Variants in ESRRG observed in about 807,000 individuals in gnomAD.
ESRRG encodes the protein estrogen related receptor gamma.
ESRRG carries 13 observed loss-of-function variants against 44.0 expected under a neutral mutation model. The ratio of observed to expected loss-of-function variants is 0.30; its 90% CI spans 0.19 to 0.47. The LOEUF is 0.47. Ranked by LOEUF, ESRRG falls within the 20% of genes least tolerant of loss-of-function variation. ESRRG has a pLI of 1.00. For missense variants in ESRRG, 395 were observed against 580.6 expected, an observed-to-expected ratio of 0.68 and a Z score of 3.29; for synonymous variants, 215 against 214.6, an observed-to-expected ratio of 1.00 and a Z score of -0.02.
chr1:216,535,323 C>T (rs538777151), intron 5 of ESRRG, among the ~76,000 whole-genome samples: 2 of 152,190 alleles, frequency 1.3e-5, no homozygotes, highest in Non-Finnish European at 2.9e-5. Context: ...ATGCTCCAGA[C>T]TAAACCTTCC....
At chr1:217,012,567 A>C (rs1261287489) in intron 1 of ESRRG, among the ~76,000 whole-genome samples, 1 of 152,186 alleles carries the variant, frequency 6.6e-6, no homozygotes, top group Non-Finnish European at 1.5e-5. Context: ...TAGAAAAGGC[A>C]AACTCAGAGG....
chr1:216,768,450 T>TTATCTATCTATCTGTCTATC (rs1488675539), intron 2 of ESRRG, among the ~76,000 whole-genome samples: 63 of 114,762 alleles, frequency 5.5e-4, no homozygotes, highest in Non-Finnish European at 5.3e-4. Context: ...CTATCTATCA[T>TTATCTATCTATCTGTCTATC]TATCTATCTA....
At chr1:216,966,751 T>C (rs1285596021) in intron 1 of ESRRG, among the ~76,000 whole-genome samples, 2 of 152,180 alleles carry the variant, frequency 1.3e-5, no homozygotes, top group Admixed American at 1.3e-4. Flanking sequence ...GTTTTCCCTG[T>C]GCCTCTAAAA....
chr1:216,630,229 T>C (rs1486526804), intron 3 of ESRRG, among the ~76,000 whole-genome samples: 3 of 152,198 alleles, frequency 2.0e-5, no homozygotes, highest in Non-Finnish European at 4.4e-5. Context: ...ACTTTCATTC[T>C]CATTTTGTTT....
At chr1:216,887,490 C>T (rs1169911566) in intron 2 of ESRRG, among the ~76,000 whole-genome samples, 3 of 152,106 alleles carry the variant, frequency 2.0e-5, no homozygotes, top group East Asian at 3.9e-4. Flanking sequence ...AACATGCTGT[C>T]GCTTTTATAC....
intron 3 of ESRRG, among the ~76,000 whole-genome samples, chr1:216,647,636 C>T (rs942999140): frequency 2.6e-5 from 4 of 152,170 alleles, no homozygotes; most frequent in Non-Finnish European, 5.9e-5. Flanking sequence ...ACTAAACCAT[C>T]ACTTTCTCCT....
chr1:216,987,752 T>C (rs2150470060), intron 1 of ESRRG, among the ~76,000 whole-genome samples: 1 of 152,272 alleles, frequency 6.6e-6, no homozygotes, highest in Admixed American at 6.5e-5. Flanking sequence ...TGCCATCACC[T>C]AAAACTTTTT....
intron 3 of ESRRG, among the ~76,000 whole-genome samples, chr1:216,604,528 C>G (rs2059669840): frequency 6.6e-6 from 1 of 152,104 alleles, no homozygotes; most frequent in African/African-American, 2.4e-5. Flanking sequence ...GTCCTGAATC[C>G]CAGCCCCCCA....
intron 3 of ESRRG, among the ~76,000 whole-genome samples, chr1:216,621,790 A>G (rs930714904): frequency 6.6e-6 from 1 of 152,168 alleles, no homozygotes; most frequent in African/African-American, 2.4e-5. Flanking sequence ...TCCTTCCAAC[A>G]ATATTCCCAA....
rs151019528 is a variant in ESRRG, at chr1:216,559,659, C to T, written c.862+4560G>A. Among the ~76,000 whole-genome samples the T allele has an allele frequency of 1.5e-3, 224 of 152,252 alleles. 1 individual carries two copies. The Middle Eastern group carries it at 0.034, about 23-fold the overall frequency. Reference sequence around the variant, plus strand: ...ACATAACATTAAATTATTTTTGCCACATTTTATTGTGCTTTTGCACGTATC... The same window carrying T: ...ACATAACATTAAATTATTTTTGCCATATTTTATTGTGCTTTTGCACGTATC... On this transcript the variant is annotated intron_variant, in intron 5 of 6. Coordinates refer to ENST00000408911, the MANE Select transcript of ESRRG (RefSeq NM_001438.4).
intron 5 of ESRRG, among the ~76,000 whole-genome samples, chr1:216,551,941 C>T (rs992580012): frequency 7.9e-5 from 12 of 152,114 alleles, no homozygotes; most frequent in Non-Finnish European, 1.8e-4. Flanking sequence ...GTTCCCCAAT[C>T]ACAAACCTCA....
chr1:216,592,448 A>T (rs1468274069), intron 3 of ESRRG, among the ~76,000 whole-genome samples: 2 of 151,034 alleles, frequency 1.3e-5, no homozygotes, highest in South Asian at 2.1e-4. Context: ...TATATTTTCC[A>T]TTCATTTTAA....
intron 3 of ESRRG, among the ~76,000 whole-genome samples, chr1:216,630,995 AT>A (rs1244697775): frequency 6.6e-6 from 1 of 151,970 alleles, no homozygotes; most frequent in Non-Finnish European, 1.5e-5. Context: ...ATATACATAA[AT>A]TTAGATTTGT....
rs189117547 is a variant in ESRRG at position 216,644,800 on chromosome 1, T to A, written c.589+6173A>T. Among the ~76,000 whole-genome samples the A allele has an allele frequency of 5.1e-4, 78 of 152,280 alleles. No individual in the cohort carries two copies. The Middle Eastern group carries it at 0.027, about 53-fold the overall frequency. On this transcript the variant is annotated intron_variant, in intron 3 of 6. Coordinates refer to ENST00000408911, the MANE Select transcript of ESRRG (RefSeq NM_001438.4). ...CAAAAATGGGTATCAATAAAACACA[T>A]AACTATCTGATTTGTTTTGCTTGTT...
chr1:216,835,088 T>C (rs2095543042), intron 2 of ESRRG, among the ~76,000 whole-genome samples: 1 of 152,228 alleles, frequency 6.6e-6, no homozygotes, highest in Admixed American at 6.5e-5. Flanking sequence ...TGGAGTTTTT[T>C]GTTGCTGTTT....
chr1:217,116,338 C>T (rs2092726324), intron 1 of ESRRG, among the ~76,000 whole-genome samples: 1 of 152,168 alleles, frequency 6.6e-6, no homozygotes. Context: ...CTAATTCAAA[C>T]CAAACTATTA....
chr1:216,617,871 T>C (rs1027306767), intron 3 of ESRRG, among the ~76,000 whole-genome samples: 3 of 152,206 alleles, frequency 2.0e-5, no homozygotes, highest in Non-Finnish European at 4.4e-5. Flanking sequence ...TTACAAGATT[T>C]TGTGATACCC....
intron 1 of ESRRG, among the ~76,000 whole-genome samples, chr1:216,965,620 C>A (rs974333870): frequency 2.6e-5 from 4 of 152,130 alleles, no homozygotes; most frequent in African/African-American, 9.7e-5. Context: ...CTGACTCCAT[C>A]CTCCCAGTGG....
rs1224413655 is a variant in ESRRG at position 216,811,551 on chromosome 1, T to C, written c.-14+128031A>G. On this transcript the variant is annotated intron_variant, in intron 2 of 7. Transcript: ENST00000359162. ...TATGAAGAAGACGGATGACAATCAG[T>C]AGGAGAGACAGCAAATTTCTTCTTG... 2.6e-5 allele frequency among the ~76,000 whole-genome samples: 4 copies of C among 152,192 alleles called. No homozygotes were observed. In the East Asian group the frequency reaches 7.7e-4, roughly 29 times the overall value.
Sources: allele counts gnomAD v4.1 joint callset (sites outside exome capture counted in the v4.1 genomes callset), GRCh38; gene constraint gnomAD v4.1.1; transcripts MANE v1.5; gene names NCBI Gene and HGNC (gene_info 2026-07-23, HGNC 2026-07-21).